Variants in PPA2 observed in about 807,000 individuals in gnomAD.
PPA2 encodes inorganic pyrophosphatase 2.
In PPA2, 48 loss-of-function variants were observed where a neutral mutation model predicts 49.5. The observed-to-expected ratio is 0.97, with a 90% CI of 0.77 to 1.23. The LOEUF is 1.23. Among genes scored for constraint, PPA2 ranks in the 50% most tolerant of loss-of-function variants. The pLI is 0.00. For missense variants in PPA2, 429 were observed against 410.1 expected (o/e 1.05, Z -0.40); for synonymous variants, 131 against 139.9 (o/e 0.94, Z 0.45).
At chr4:105,398,890 AAAT>A in intron 8 of PPA2, 144 bp downstream of exon 8, 1 of 673,982 alleles carries the variant, frequency 1.5e-6, no homozygotes, top group South Asian at 3.0e-5. Context: ...TTAAATAATA[AAAT>A]AATGTTTTTA....
chr4:105,371,450 A>C (rs1733023975), intron 10 of PPA2, among the ~76,000 whole-genome samples: 1 of 152,212 alleles, frequency 6.6e-6, no homozygotes, highest in Non-Finnish European at 1.5e-5. Context: ...AAGAAGCCAT[A>C]AAGATTTAGT....
At position 105,370,826 on chromosome 4, in the gene PPA2, A is replaced by G; in HGVS notation, c.976+11T>C. 7.0e-7 allele frequency: 1 copy of G among 1,432,534 alleles called. No individual in the cohort carries two copies. Among genetic ancestry groups the G allele is most frequent in the Non-Finnish European group, 9.3e-7 (1 of 1,076,144 alleles). The allele number at this position is 1,432,534 out of a possible 1,614,324, so 88.7% of individuals were successfully genotyped here. On this transcript the variant is annotated intron_variant, in intron 11 of 11. Transcript: ENST00000341695. ...TACATGTTACTCTTAATGAATCAAA[A>G]TATACTATACCTTCTTCATTACTTT...
chr4:105,461,240 T>G (rs1376161282), intron 1 of PPA2, among the ~76,000 whole-genome samples: 1 of 152,168 alleles, frequency 6.6e-6, no homozygotes, highest in Non-Finnish European at 1.5e-5. Flanking sequence ...GCAAGCATGC[T>G]CAGTTGAGCT....
rs1346308642 is a variant in PPA2, at chr4:105,424,312, C to G, written c.539G>C (p.Cys180Ser). Residue 180 changes from cysteine to serine, a missense_variant, in exon 7 of 12, where the codon TGT becomes TCT. Transcript: ENST00000341695. ...GATCTTCACATGAATAACTTCTCCA[C>G]AAGAAAGAATCTTTAAAGAAAAAAG... Reference protein sequence around the residue: ...VCEIGSKILSCGEVIHVKILG... With the variant: ...VCEIGSKILSSGEVIHVKILG... 1.9e-6 allele frequency: 3 copies of G among 1,591,080 alleles called. No individual in the cohort carries two copies. The highest frequency in any genetic ancestry group is 2.6e-6 in the Non-Finnish European group (3 of 1,174,454).
At position 105,467,953 on chromosome 4, in the gene PPA2, G is replaced by A. The variant is rs114182645; in HGVS notation, c.157+5941C>T. Among the ~76,000 whole-genome samples the A allele has an allele frequency of 2.8e-3, 430 of 152,280 alleles. 2 individuals are homozygous for A. Among genetic ancestry groups the A allele is most frequent in the African/African-American group, 9.9e-3 (411 of 41,564 alleles). On this transcript the variant is annotated intron_variant, in intron 1 of 11. Coordinates refer to ENST00000341695, the MANE Select transcript of PPA2 (RefSeq NM_176869.3). Reference sequence around the variant, plus strand: ...AAATTCTGAGTTCAAGAAGAGATGCGGCTAATGTTATAAATTGGGGAATCA... The same window carrying A: ...AAATTCTGAGTTCAAGAAGAGATGCAGCTAATGTTATAAATTGGGGAATCA...
chr4:105,462,345 C>G (rs1412527885), intron 1 of PPA2, among the ~76,000 whole-genome samples: 1 of 152,218 alleles, frequency 6.6e-6, no homozygotes. Flanking sequence ...CAGTTGAAAA[C>G]AAGCTATTGC....
intron 10 of PPA2, among the ~76,000 whole-genome samples, chr4:105,383,700 A>T (rs4699173): frequency 0.12 from 18,499 of 152,166 alleles, 1,169 homozygotes; most frequent in African/African-American, 0.15. Flanking sequence ...CATACTTTGA[A>T]CTCATTTAAC....
intron 4 of PPA2, among the ~76,000 whole-genome samples, chr4:105,449,078 G>A (rs1052093592): frequency 2.6e-4 from 36 of 139,624 alleles, no homozygotes; most frequent in African/African-American, 9.7e-4. Context: ...ATAGCCGGGC[G>A]TAGTGGCGGG....
Position 105,405,725 on chromosome 4 carries a change from GATACCTTATAAAC to G in PPA2, c.656-6574_656-6562del, listed in dbSNP as rs1224489942. 12 of 739,090 alleles carry G rather than the reference GATACCTTATAAAC, an allele frequency of 1.6e-5. No homozygotes were observed. In the East Asian group the frequency reaches 9.6e-4, roughly 59 times the overall value. 45.8% of individuals were successfully genotyped at this position (739,090 alleles called of 1,614,324 possible). A position where few individuals can be genotyped will look rare whatever the true frequency, so the allele number is the denominator to read the frequency against. On this transcript the variant is annotated intron_variant, in intron 7 of 11. Transcript: ENST00000341695. ...CCCTCAGGCTAACCTACCTAAAATA[GATACCTTATAAAC>G]AGATTAACATCAAAAAGACTCAAAA...
intron 7 of PPA2, among the ~76,000 whole-genome samples, chr4:105,415,487 C>T (rs1477444862): frequency 6.6e-6 from 1 of 152,216 alleles, no homozygotes. Flanking sequence ...CGACTTCACT[C>T]CAAAATCAGA....
chr4:105,453,544 T>G, intron 3 of PPA2, 54 bp downstream of exon 3: 1 of 1,301,050 alleles, frequency 7.7e-7, no homozygotes, highest in Non-Finnish European at 1.1e-6. Context: ...ATCATCAAGG[T>G]ATTTAACAGA....
chr4:105,473,685 G>T (rs368952428), intron 1 of PPA2: 4 of 838,010 alleles, frequency 4.8e-6, no homozygotes, highest in Non-Finnish European at 8.1e-6. Flanking sequence ...TCCGCTTTGG[G>T]GTCTTGATCC....
At chr4:105,389,004 C>G (rs1733795605) in intron 9 of PPA2, among the ~76,000 whole-genome samples, 1 of 151,988 alleles carries the variant, frequency 6.6e-6, no homozygotes, top group Non-Finnish European at 1.5e-5. Context: ...GTGCCAACAT[C>G]CTCAATGATG....
Position 105,473,762 on chromosome 4 carries a change from C to T in PPA2, c.157+132G>A, listed in dbSNP as rs767413694. On this transcript the variant is annotated intron_variant, in intron 1 of 11. Transcript: ENST00000341695. ...CCCGCGGGAAGTAAGGTGGCCTGGACCGCGCGGCTACCGCTGAGGGCCCCA... is the reference window on the plus strand; with the variant it reads ...CCCGCGGGAAGTAAGGTGGCCTGGATCGCGCGGCTACCGCTGAGGGCCCCA... 4.4e-6 allele frequency: 6 copies of T among 1,354,194 alleles called. No homozygotes were observed. In the Admixed American group the frequency reaches 7.3e-5, roughly 16 times the overall value. 83.9% of individuals were successfully genotyped at this position (1,354,194 alleles called of 1,614,324 possible). A position where few individuals can be genotyped will look rare whatever the true frequency, so the allele number is the denominator to read the frequency against.
At chr4:105,375,804 CA>C (rs1490408291) in intron 10 of PPA2, among the ~76,000 whole-genome samples, 2 of 152,120 alleles carry the variant, frequency 1.3e-5, no homozygotes, top group African/African-American at 2.4e-5. Context: ...CCAAAGGAAC[CA>C]TTTGAGGAAC....
At position 105,441,091 on chromosome 4, in the gene PPA2, C is replaced by G. The variant is rs547495765; in HGVS notation, c.442-3055G>C. On this transcript the variant is annotated intron_variant, in intron 5 of 11. Coordinates refer to ENST00000341695, the MANE Select transcript of PPA2 (RefSeq NM_176869.3). ...CAAATTTAAGCTTTGGTTATGCCCT[C>G]TTGTGGAGTCTTATGTGTGTAACTA... 2.6e-5 allele frequency among the ~76,000 whole-genome samples: 4 copies of G among 152,272 alleles called. No homozygotes were observed. In the South Asian group the frequency reaches 8.3e-4, roughly 32 times the overall value.
intron 7 of PPA2, chr4:105,405,896 T>A (rs1455679750): frequency 2.2e-6 from 1 of 453,966 alleles, no homozygotes; most frequent in South Asian, 1.6e-5. Flanking sequence ...TCCTGTCAAG[T>A]GAAGGCAGGA....
At chr4:105,438,341 T>G (rs1724166159) in intron 5 of PPA2, among the ~76,000 whole-genome samples, 1 of 152,222 alleles carries the variant, frequency 6.6e-6, no homozygotes, top group African/African-American at 2.4e-5. Context: ...CTTTTAGAGT[T>G]TCAGTGGATG....
chr4:105,473,876 C>T lies in PPA2; in HGVS notation c.157+18G>A, dbSNP rs748733562. On this transcript the variant is annotated intron_variant, in intron 1 of 11. Coordinates refer to ENST00000341695, the MANE Select transcript of PPA2 (RefSeq NM_176869.3). ...TTTCTCCGGTGCGCCGCTCGGCGAA[C>T]CTCCGGGAGCTACTTACTAAAGAAG... 1.9e-6 allele frequency: 3 copies of T among 1,581,910 alleles called. No homozygotes were observed. In the South Asian group the frequency reaches 3.4e-5, roughly 18 times the overall value.
Sources: allele counts gnomAD v4.1 joint callset (sites outside exome capture counted in the v4.1 genomes callset), GRCh38; gene constraint gnomAD v4.1.1; transcripts MANE v1.5; gene names NCBI Gene and HGNC (gene_info 2026-07-23, HGNC 2026-07-21).